The following LRRC37A2 variants were observed in gnomAD, a reference collection of about 807,000 sequenced individuals.
The protein encoded by LRRC37A2 is leucine rich repeat containing 37 member A2.
A neutral mutation model predicts 68.8 loss-of-function variants in LRRC37A2; 9 were observed. The ratio of observed to expected loss-of-function variants is 0.13; its 90% CI spans 0.08 to 0.23. The LOEUF is 0.23. LRRC37A2 is among the 10% of genes least tolerant of loss of function. The pLI is 1.00. For synonymous variants in LRRC37A2, 63 were observed against 367.6 expected (o/e 0.17, Z 9.48); for missense variants, 168 against 950.4 (o/e 0.18, Z 10.82).
chr17:46,608,186 TG>T, the LRRC37A2 span, among the ~76,000 whole-genome samples: 1 of 98,558 alleles, frequency 1.0e-5, no homozygotes, highest in Non-Finnish European at 1.9e-5. Context: ...GGCGGGTGCC[TG>T]TAGTCCTAGC....
chr17:46,768,204 T>C, the LRRC37A2 span: 1 of 1,519,742 alleles, frequency 6.6e-7, no homozygotes, highest in Non-Finnish European at 8.9e-7. This position sits in a 1 kb window ranked among gnomAD's most constrained non-coding sequence, Gnocchi z 5.0. Context: ...CTTGTGTGTC[T>C]TGGATAGCTT....
the LRRC37A2 span, among the ~76,000 whole-genome samples, chr17:47,030,139 C>G: frequency 4.0e-5 from 5 of 124,636 alleles, no homozygotes; most frequent in African/African-American, 1.2e-4. Context: ...TCATCATCAT[C>G]TAGCCAGCTT....
the LRRC37A2 span, among the ~76,000 whole-genome samples, chr17:46,710,010 T>C: frequency 4.6e-5 from 7 of 152,228 alleles, no homozygotes; most frequent in Non-Finnish European, 1.0e-4. Context: ...CACTGGATAC[T>C]GTTTCAAAGA....
chr17:46,796,395 G>T, the LRRC37A2 span, among the ~76,000 whole-genome samples: 1 of 152,186 alleles, frequency 6.6e-6, no homozygotes, highest in Non-Finnish European at 1.5e-5. Flanking sequence ...TGTAAGGAAG[G>T]TATGTTATCA....
At chr17:46,519,487 GAT>G (rs1426374567) in intron 3 of LRRC37A2, among the ~76,000 whole-genome samples, 1 of 129,946 alleles carries the variant, frequency 7.7e-6, no homozygotes, top group Admixed American at 7.8e-5. Flanking sequence ...TAGAGAGAGG[GAT>G]ATGATTGGAA....
At chr17:47,021,426 C>T in the LRRC37A2 span, among the ~76,000 whole-genome samples, 1 of 95,928 alleles carries the variant, frequency 1.0e-5, no homozygotes, top group African/African-American at 4.2e-5. Context: ...GGGCACTGGG[C>T]CAAAGCTTTG....
the LRRC37A2 span, chr17:46,978,978 G>A: frequency 4.1e-6 from 6 of 1,447,384 alleles, no homozygotes; most frequent in South Asian, 8.2e-5. Flanking sequence ...CCTCCTCCAA[G>A]CCGCTGTGGT....
chr17:47,044,354 C>CCATG, the LRRC37A2 span, among the ~76,000 whole-genome samples: 2 of 151,340 alleles, frequency 1.3e-5, no homozygotes, highest in African/African-American at 4.9e-5. Context: ...ATTTTTTAAG[C>CCATG]CATGTTATGA....
At chr17:46,767,304 C>T in the LRRC37A2 span, among the ~76,000 whole-genome samples, 1 of 152,144 alleles carries the variant, frequency 6.6e-6, no homozygotes, top group South Asian at 2.1e-4. Context: ...TCCTGCTCCC[C>T]GTCATCATCC....
chr17:46,986,726 T>G, the LRRC37A2 span, among the ~76,000 whole-genome samples: 2 of 152,178 alleles, frequency 1.3e-5, no homozygotes, highest in East Asian at 3.9e-4. Flanking sequence ...CTGCTTATGG[T>G]CAATCAGTGA....
At chr17:46,718,278 C>T in the LRRC37A2 span, among the ~76,000 whole-genome samples, 23 of 152,234 alleles carry the variant, frequency 1.5e-4, no homozygotes, top group African/African-American at 5.3e-4. Flanking sequence ...CCCTCGAGGG[C>T]ACCCTGCCAT....
chr17:47,019,278 C>G, the LRRC37A2 span: 13 of 1,595,482 alleles, frequency 8.1e-6, no homozygotes, highest in Admixed American at 5.0e-5. Flanking sequence ...TCCAGGACAC[C>G]CTGAGGTGAC....
the LRRC37A2 span, among the ~76,000 whole-genome samples, chr17:47,001,209 G>T: frequency 6.6e-6 from 1 of 152,136 alleles, no homozygotes; most frequent in African/African-American, 2.4e-5. Context: ...AGTATTATGG[G>T]GGTATTAATG....
chr17:46,978,540 G>GCTGGGCGCCCCAGGCACGTAT, the LRRC37A2 span: 2 of 1,417,808 alleles, frequency 1.4e-6, no homozygotes, highest in African/African-American at 1.5e-5. Flanking sequence ...CAGGCACGTA[G>GCTGGGCGCCCCAGGCACGTAT]CTGCCCGCCC....
chr17:46,775,315 TTC>T, the LRRC37A2 span, among the ~76,000 whole-genome samples: 1 of 152,348 alleles, frequency 6.6e-6, no homozygotes, highest in South Asian at 2.1e-4. Flanking sequence ...GCCATGTGCC[TTC>T]CCCCGGGTCC....
At chr17:46,926,993 G>C in the LRRC37A2 span, among the ~76,000 whole-genome samples, 1 of 152,168 alleles carries the variant, frequency 6.6e-6, no homozygotes, top group African/African-American at 2.4e-5. Context: ...CATTTAAAGT[G>C]TTTTACCAAT....
At chr17:46,957,644 C>T in the LRRC37A2 span, among the ~76,000 whole-genome samples, 2 of 152,054 alleles carry the variant, frequency 1.3e-5, no homozygotes, top group Admixed American at 6.5e-5. Flanking sequence ...AAACAAAACC[C>T]AGACAGCAGG....
At chr17:46,830,625 C>A in the LRRC37A2 span, 1 of 398,432 alleles carries the variant, frequency 2.5e-6, no homozygotes, top group Non-Finnish European at 4.4e-6. Context: ...TTTCTTTTTT[C>A]TCCAGAATTT....
the LRRC37A2 span, among the ~76,000 whole-genome samples, chr17:46,832,205 G>T: frequency 6.6e-6 from 1 of 152,166 alleles, no homozygotes; most frequent in African/African-American, 2.4e-5. Flanking sequence ...GCCAAAGGTT[G>T]CCAACTTGAG....
Sources: allele counts gnomAD v4.1 joint callset (sites outside exome capture counted in the v4.1 genomes callset), GRCh38; gene constraint gnomAD v4.1.1; non-coding constraint Gnocchi (gnomAD v3.1); transcripts MANE v1.5; gene names NCBI Gene and HGNC (gene_info 2026-07-23, HGNC 2026-07-21).